The following KCND2 variants were observed in gnomAD, a reference collection of about 807,000 sequenced individuals.
The protein encoded by KCND2 is potassium voltage-gated channel subfamily D member 2.
A neutral mutation model predicts 54.4 loss-of-function variants in KCND2; 16 were observed. The ratio of observed to expected loss-of-function variants is 0.29; its 90% CI spans 0.20 to 0.45. The LOEUF (loss-of-function observed/expected upper bound fraction) is 0.45, where lower values mean the gene tolerates loss of function less well. Among genes scored for constraint, KCND2 ranks in the 20% least tolerant of loss-of-function variants. The pLI is 1.00. For synonymous variants in KCND2, 317 were observed against 310.7 expected (o/e 1.02, Z -0.21); for missense variants, 486 against 824.2 (o/e 0.59, Z 5.02).
At chr7:120,678,833 A>T (rs972644415) in intron 1 of KCND2, among the ~76,000 whole-genome samples, 24 of 149,334 alleles carry the variant, frequency 1.6e-4, no homozygotes, top group African/African-American at 5.6e-4. Flanking sequence ...TATAAAGTCC[A>T]GTTTCAGCTT....
intron 1 of KCND2, among the ~76,000 whole-genome samples, chr7:120,655,333 A>C (rs1337959309): frequency 1.3e-5 from 2 of 152,088 alleles, no homozygotes; most frequent in Non-Finnish European, 2.9e-5. Flanking sequence ...GAAAAGAAGA[A>C]TGTTTGAGCT....
intron 1 of KCND2, among the ~76,000 whole-genome samples, chr7:120,386,725 A>G (rs542151517): frequency 3.2e-4 from 48 of 152,280 alleles, no homozygotes; most frequent in African/African-American, 1.1e-3. Context: ...TTTCACTGTT[A>G]TATGAAACAT....
chr7:120,338,565 A>G (rs896973566), intron 1 of KCND2, among the ~76,000 whole-genome samples: 5 of 151,928 alleles, frequency 3.3e-5, no homozygotes, highest in Non-Finnish European at 4.4e-5. Flanking sequence ...TTTGTTTTCT[A>G]TAGGCCTAGT....
intron 1 of KCND2, among the ~76,000 whole-genome samples, chr7:120,662,171 C>T (rs1164483211): frequency 2.0e-5 from 3 of 152,098 alleles, no homozygotes; most frequent in Non-Finnish European, 4.4e-5. Flanking sequence ...TGAAAAATCC[C>T]AAGATAGTAG....
chr7:120,539,981 G>A (rs1791960275), intron 1 of KCND2, among the ~76,000 whole-genome samples: 1 of 152,078 alleles, frequency 6.6e-6, no homozygotes, highest in Non-Finnish European at 1.5e-5. Flanking sequence ...AGACGAAGAG[G>A]GCTTAAAATA....
intron 1 of KCND2, among the ~76,000 whole-genome samples, chr7:120,638,005 GA>G (rs948106866): frequency 7.3e-5 from 11 of 151,000 alleles, no homozygotes; most frequent in South Asian, 4.2e-4. Flanking sequence ...AGAAAAATCA[GA>G]AAAAAAAATT....
At chr7:120,512,533 C>G (rs1803133770) in intron 1 of KCND2, among the ~76,000 whole-genome samples, 1 of 151,836 alleles carries the variant, frequency 6.6e-6, no homozygotes, top group Non-Finnish European at 1.5e-5. Flanking sequence ...ACTTTAGAAT[C>G]AAATAATTAA....
intron 1 of KCND2, among the ~76,000 whole-genome samples, chr7:120,635,916 G>A (rs116906740): frequency 0.01 from 1,555 of 152,244 alleles, 14 homozygotes; most frequent in Non-Finnish European, 0.017. Flanking sequence ...CAATGGAATA[G>A]GAAGATTTCA....
At chr7:120,314,501 T>A (rs1307034116) in intron 1 of KCND2, among the ~76,000 whole-genome samples, 1 of 152,172 alleles carries the variant, frequency 6.6e-6, no homozygotes, top group Non-Finnish European at 1.5e-5. Context: ...TAGTAATAAT[T>A]TGGCATTTCA....
At chr7:120,639,818 T>C (rs1483384661) in intron 1 of KCND2, among the ~76,000 whole-genome samples, 1 of 152,128 alleles carries the variant, frequency 6.6e-6, no homozygotes, top group Admixed American at 6.6e-5. Context: ...GAACAAAAGC[T>C]TCACACAAAA....
chr7:120,361,232 T>C (rs1800588710), intron 1 of KCND2, among the ~76,000 whole-genome samples: 1 of 152,032 alleles, frequency 6.6e-6, no homozygotes, highest in South Asian at 2.1e-4. Flanking sequence ...AAGGGGCTGC[T>C]TAGTAAGTTC....
At chr7:120,297,427 C>T (rs935025582) in intron 1 of KCND2, among the ~76,000 whole-genome samples, 4 of 151,884 alleles carry the variant, frequency 2.6e-5, no homozygotes, top group South Asian at 4.2e-4. Context: ...CATTGTGTAC[C>T]TATACCACAT....
intron 1 of KCND2, among the ~76,000 whole-genome samples, chr7:120,702,101 T>C (rs1482240780): frequency 6.6e-6 from 1 of 151,592 alleles, no homozygotes; most frequent in Non-Finnish European, 1.5e-5. Flanking sequence ...CTTAAACAAA[T>C]TTACAAGAAA....
At chr7:120,305,153 A>G (rs1799635007) in intron 1 of KCND2, among the ~76,000 whole-genome samples, 1 of 152,182 alleles carries the variant, frequency 6.6e-6, no homozygotes, top group Non-Finnish European at 1.5e-5. Flanking sequence ...TCAAAAGGGT[A>G]GTAATTTTCT....
intron 1 of KCND2, among the ~76,000 whole-genome samples, chr7:120,703,952 A>T (rs536095722): frequency 2.2e-4 from 33 of 152,350 alleles, no homozygotes; most frequent in Non-Finnish European, 3.8e-4. Flanking sequence ...TTAGGAAGTC[A>T]TCCACATTTC....
At position 120,275,759 on chromosome 7, in the gene KCND2, A is replaced by C. The variant is rs2116244782; in HGVS notation, c.1115+12A>C. ...ATGACAACACTAGGGTAGGTGCCATAATGGGAAATGGGATGGAGGTTGGGT... is the reference window on the plus strand; with the variant it reads ...ATGACAACACTAGGGTAGGTGCCATCATGGGAAATGGGATGGAGGTTGGGT... On this transcript the variant is annotated intron_variant, in intron 1 of 5. Coordinates refer to ENST00000331113, the MANE Select transcript of KCND2 (RefSeq NM_012281.3). 1 of 1,599,846 alleles carries C rather than the reference A, an allele frequency of 6.3e-7. No individual in the cohort carries two copies. Among genetic ancestry groups the C allele is most frequent in the Middle Eastern group, 1.7e-4 (1 of 6,060 alleles).
chr7:120,577,769 T>A (rs1214903103), intron 1 of KCND2, among the ~76,000 whole-genome samples: 1 of 152,128 alleles, frequency 6.6e-6, no homozygotes, highest in Non-Finnish European at 1.5e-5. Context: ...GTATTTTTAG[T>A]AGAGATGGGA....
chr7:120,734,691 A>G (rs1444745048), intron 2 of KCND2, among the ~76,000 whole-genome samples: 1 of 152,100 alleles, frequency 6.6e-6, no homozygotes, highest in African/African-American at 2.4e-5. Flanking sequence ...ATGGCACTGT[A>G]TTTCCAGTGT....
At chr7:120,584,266 A>G (rs1792562273) in intron 1 of KCND2, among the ~76,000 whole-genome samples, 1 of 152,170 alleles carries the variant, frequency 6.6e-6, no homozygotes, top group Admixed American at 6.6e-5. Context: ...GCAGATCTAA[A>G]ACTGTCCCTA....
Sources: gnomAD v4.1 joint callset for allele counts (sites outside exome capture counted in the v4.1 genomes callset) on GRCh38, gnomAD v4.1.1 for gene constraint, MANE v1.5 for transcripts, NCBI Gene and HGNC (gene_info 2026-07-23, HGNC 2026-07-21) for gene names.